Variants in NCKAP5L observed in about 807,000 individuals in gnomAD.
The protein encoded by NCKAP5L is nck-associated protein 5-like.
NCKAP5L carries 54 observed loss-of-function variants against 103.2 expected under a neutral mutation model. The observed-to-expected ratio is 0.52, with a 90% confidence interval of 0.42 to 0.66. NCKAP5L has a LOEUF of 0.66. Ranked by LOEUF, NCKAP5L falls within the 30% of genes least tolerant of loss-of-function variation. The probability of loss-of-function intolerance (pLI) is 0.00; values close to 1 mark genes in which losing one functional copy is unlikely to be tolerated. For synonymous variants in NCKAP5L, 762 were observed against 748.6 expected (o/e 1.02, Z -0.29); for missense variants, 1,733 against 1,750.6 (o/e 0.99, Z 0.18).
chr12:49,811,360 G>A (rs1946238145), intron 1 of NCKAP5L, among the ~76,000 whole-genome samples: 1 of 151,996 alleles, frequency 6.6e-6, no homozygotes, highest in South Asian at 2.1e-4. Flanking sequence ...ATAACTTCTG[G>A]CTTACCACCC....
At position 49,796,789 on chromosome 12, in the gene NCKAP5L, A is replaced by T. The variant is rs1946054313; in HGVS notation, c.1071T>A (p.Pro357=). Residue 357 remains proline (P), a synonymous_variant, in exon 8 of 13, where the codon CCT becomes CCA. Coordinates refer to ENST00000335999, the MANE Select transcript of NCKAP5L (RefSeq NM_001037806.4). ...AGPLNGDHPG[P]GQSSSPDQAP... is the part of the protein sequence containing the mutation. ...CCTGGTCTGGGGAGGATGACTGCCCAGGACCTGGGTGGTCCCCATTGAGTG... is the reference window on the plus strand; with the variant it reads ...CCTGGTCTGGGGAGGATGACTGCCCTGGACCTGGGTGGTCCCCATTGAGTG... The T allele has an allele frequency of 6.2e-7, 1 of 1,613,730 alleles. No individual in the cohort carries two copies. Among genetic ancestry groups the T allele is most frequent in the Non-Finnish European group, 8.5e-7 (1 of 1,179,844 alleles).
chr12:49,792,060 G>C lies in NCKAP5L; in HGVS notation c.3793-9C>G. ...CGGTCCACGGGCAGGGCCTGGGAAA[G>C]GAGGGGCAGCTCGGGAGGAAGCTCC... On this transcript the variant is annotated splice_polypyrimidine_tract_variant and intron_variant, in intron 12 of 12. Coordinates refer to ENST00000335999, the MANE Select transcript of NCKAP5L (RefSeq NM_001037806.4). This position sits in a 1 kb window ranked among gnomAD's most constrained non-coding sequence, Gnocchi z 4.5. 1 of 1,526,040 alleles carries C rather than the reference G, an allele frequency of 6.6e-7. No homozygotes were observed. The highest frequency in any genetic ancestry group is 8.8e-7 in the Non-Finnish European group (1 of 1,141,670). 94.5% of individuals were successfully genotyped at this position (1,526,040 alleles called of 1,614,324 possible). A position where few individuals can be genotyped will look rare whatever the true frequency, so the allele number is the denominator to read the frequency against.
Position 49,819,311 on chromosome 12 carries a change from C to CA in NCKAP5L, c.-99+9010dup, listed in dbSNP as rs60803272. 6.0e-3 allele frequency among the ~76,000 whole-genome samples: 751 copies of CA among 125,006 alleles called. 3 individuals carry two copies. Among genetic ancestry groups the CA allele is most frequent in the African/African-American group, 0.011 (364 of 34,236 alleles). The allele number at this position is 125,006 out of a possible 152,430, so 82.0% of individuals were successfully genotyped here. ...TGGGCAACGGTGCAAGACTCCGCTT[C>CA]AAAAAAAAAAAAAAAATTAAAAACC... On this transcript the variant is annotated intron_variant, in intron 1 of 12. Coordinates refer to ENST00000335999, the MANE Select transcript of NCKAP5L (RefSeq NM_001037806.4).
rs749008429 is a variant in NCKAP5L, at chr12:49,792,988, T to TGGGGA, written c.3341-7_3341-3dup. On this transcript the variant is annotated splice_region_variant and splice_polypyrimidine_tract_variant and intron_variant, in intron 10 of 12. Transcript: ENST00000335999. The surrounding 1 kb of genome is among the most constrained non-coding windows in gnomAD (Gnocchi z 4.5). ...AGGTTCGAGTCAAGGAGCCACAGGC[T>TGGGGA]GGGGAGGGGAGGGGAGGGCCCGTTA... 3.3e-5 allele frequency: 51 copies of TGGGGA among 1,527,228 alleles called. No homozygotes were observed. The African/African-American group carries it at 4.7e-4, about 14-fold the overall frequency. 94.6% of individuals were successfully genotyped at this position (1,527,228 alleles called of 1,614,324 possible). A position where few individuals can be genotyped will look rare whatever the true frequency, so the allele number is the denominator to read the frequency against.
chr12:49,796,330 C>T lies in NCKAP5L; in HGVS notation c.1530G>A (p.Glu510=). The T allele has an allele frequency of 6.5e-7, 1 of 1,545,778 alleles. No individual in the cohort carries two copies. The change falls in exon 8 of 13, where the codon GAG becomes GAA. Residue 510 remains glutamate (E), a synonymous_variant. Coordinates refer to ENST00000335999, the MANE Select transcript of NCKAP5L (RefSeq NM_001037806.4). ...GGCCTTGCGCCCCCTCTGGGGACAG[C>T]TCTCCTCCACCCAGACCCCTTCGGG... The part of the protein sequence containing the change: ...LLARRGLGGG[E]LSPEGAQGLP...
chr12:49,798,224 T>C, intron 7 of NCKAP5L, 126 bp downstream of exon 7: 1 of 869,172 alleles, frequency 1.2e-6, no homozygotes. Flanking sequence ...GGATCTGCTT[T>C]TTTTGGCATT....
chr12:49,803,204 T>C (rs1455798962), intron 3 of NCKAP5L, 39 bp from the exon 4 acceptor site: 3 of 1,606,182 alleles, frequency 1.9e-6, no homozygotes, highest in Non-Finnish European at 2.6e-6. Context: ...AAAGGTGGCT[T>C]TGGGGATTAT....
Position 49,795,709 on chromosome 12 carries a change from C to A in NCKAP5L, c.2151G>T (p.Glu717Asp). 6.2e-7 allele frequency: 1 copy of A among 1,610,378 alleles called. No homozygotes were observed. ...GTATCCCCCCCTTGGCTTCTAGCTG[C>A]TCCAGTGGCCTGTGGATGGAGGGCA... ...DMVPSIHRPL[E>D]QLEAKGGIRG... The change falls in exon 8 of 13, where the codon GAG (glutamate) becomes GAT (aspartate). Residue 717 changes from glutamate (E) to aspartate (D), a missense_variant. Transcript: ENST00000335999.
rs1292642785 is a variant in NCKAP5L at position 49,797,773 on chromosome 12, A to G, written c.466-379T>C. Among the ~76,000 whole-genome samples the G allele has an allele frequency of 6.6e-6, 1 of 152,148 alleles. No homozygotes were observed. The highest frequency in any genetic ancestry group is 1.5e-5 in the Non-Finnish European group (1 of 68,018). On this transcript the variant is annotated intron_variant, in intron 7 of 12. Transcript: ENST00000335999. This position sits in a 1 kb window ranked among gnomAD's most constrained non-coding sequence, Gnocchi z 4.5. ...TTTCTCGGGCCCAGAAAGAACACAC[A>G]GACTCCAGAAGGGAGTGTGATGTGG... is the stretch of plus-strand genomic sequence containing the variant.
rs951985406 is a variant in NCKAP5L at position 49,802,625 on chromosome 12, T to A, written c.231+333A>T. 6.4e-5 allele frequency: 21 copies of A among 325,936 alleles called. No homozygotes were observed. The East Asian group carries it at 1.0e-3, about 16-fold the overall frequency. 20.2% of individuals were successfully genotyped at this position (325,936 alleles called of 1,614,324 possible). A position where few individuals can be genotyped will look rare whatever the true frequency, so the allele number is the denominator to read the frequency against. The stretch of plus-strand genomic sequence containing the variant: ...GGCCTTGGAGTTAAAGTGGCCCCAA[T>A]GTCAAGAAGTTATCCACCATAGGTG... On this transcript the variant is annotated intron_variant, in intron 5 of 12. Transcript: ENST00000335999.
At chr12:49,816,079 A>G (rs984709243) in intron 1 of NCKAP5L, among the ~76,000 whole-genome samples, 1 of 152,212 alleles carries the variant, frequency 6.6e-6, no homozygotes. Context: ...GTCTTCTACA[A>G]GTGCCTCCTG....
At chr12:49,801,605 C>T (rs985082775) in intron 6 of NCKAP5L, among the ~76,000 whole-genome samples, 1 of 152,162 alleles carries the variant, frequency 6.6e-6, no homozygotes, top group African/African-American at 2.4e-5. Context: ...ATCTCCCCAC[C>T]CAAGGCAGGA....
In NCKAP5L at chr12:49,796,513, C is replaced by A; in HGVS notation, c.1347G>T (p.Leu449=). 2 of 1,560,210 alleles carry A rather than the reference C, an allele frequency of 1.3e-6. No homozygotes were observed. The highest frequency in any genetic ancestry group is 1.4e-5 in the African/African-American group (1 of 73,244). Reference sequence around the variant, plus strand: ...ACTTGAGACCCCTAGCTGGAGAGGGCAGAAGGGGTCCCTGAGCTTCCCCAG... The same window carrying A: ...ACTTGAGACCCCTAGCTGGAGAGGGAAGAAGGGGTCCCTGAGCTTCCCCAG... ...PSPGEAQGPL[L]PSPARGLKFL... The change falls in exon 8 of 13, where the codon CTG becomes CTT. Residue 449 remains leucine (L), a synonymous_variant. Coordinates refer to ENST00000335999, the MANE Select transcript of NCKAP5L (RefSeq NM_001037806.4).
Position 49,795,969 on chromosome 12 carries a change from G to A in NCKAP5L, c.1891C>T (p.Pro631Ser). 1 of 1,535,456 alleles carries A rather than the reference G, an allele frequency of 6.5e-7. No individual in the cohort carries two copies. The highest frequency in any genetic ancestry group is 8.7e-7 in the Non-Finnish European group (1 of 1,147,888). ...CCTGGGGTCCTGCGGCCGGGATGGG[G>A]AGACTCCGAGCCTGCCTTGTCCAAA... is the stretch of plus-strand genomic sequence containing the variant. ...KSLDKAGSESPHPGRRTPGNS... is the reference protein window; with the variant it reads ...KSLDKAGSESSHPGRRTPGNS... The change falls in exon 8 of 13, where the codon CCC becomes TCC. Residue 631 changes from proline to serine, a missense_variant. Pro to Ser is a moderately conservative substitution (Grantham distance 74). Coordinates refer to ENST00000335999, the MANE Select transcript of NCKAP5L (RefSeq NM_001037806.4).
intron 4 of NCKAP5L, 35 bp from the exon 5 acceptor site, chr12:49,803,031 C>T: frequency 6.2e-7 from 1 of 1,614,266 alleles, no homozygotes; most frequent in African/African-American, 1.3e-5. Flanking sequence ...GAGCCATCAG[C>T]TGACCCCAGC....
chr12:49,795,068 A>G lies in NCKAP5L; in HGVS notation c.2792T>C (p.Leu931Pro). The change falls in exon 8 of 13, where the codon CTG becomes CCG. Residue 931 changes from leucine (L) to proline (P), a missense_variant. Physicochemically the swap from Leu to Pro is moderately conservative, Grantham distance 98. Coordinates refer to ENST00000335999, the MANE Select transcript of NCKAP5L (RefSeq NM_001037806.4). ...FGLKKSKLPA[L>P]NRRTEATKNK... ...CTTGGTGGCCTCTGTGCGGCGGTTC[A>G]GCGCTGGCAGCTTGCTCTTCTTAAG... The G allele has an allele frequency of 6.2e-7, 1 of 1,611,598 alleles. No homozygotes were observed. Among genetic ancestry groups the G allele is most frequent in the Non-Finnish European group, 8.5e-7 (1 of 1,179,102 alleles).
intron 1 of NCKAP5L, among the ~76,000 whole-genome samples, chr12:49,814,010 G>A (rs902057963): frequency 1.3e-5 from 2 of 151,850 alleles, no homozygotes; most frequent in African/African-American, 2.4e-5. Flanking sequence ...ACAGGGTCTT[G>A]CCATACTGCC....
chr12:49,799,424 C>T (rs1011905974), intron 6 of NCKAP5L, among the ~76,000 whole-genome samples: 2 of 151,924 alleles, frequency 1.3e-5, no homozygotes, highest in Non-Finnish European at 2.9e-5. Context: ...ATCCTCCTGC[C>T]TCAGCCTCCC....
intron 1 of NCKAP5L, among the ~76,000 whole-genome samples, 180 bp downstream of exon 1, chr12:49,828,142 G>A (rs139421607): frequency 0.017 from 2,537 of 151,812 alleles, 66 homozygotes; most frequent in African/African-American, 0.056. Context: ...AGGAGGGTGC[G>A]GCTGGAGGGA....
Sources: allele counts gnomAD v4.1 joint callset (sites outside exome capture counted in the v4.1 genomes callset), GRCh38; gene constraint gnomAD v4.1.1; non-coding constraint Gnocchi (gnomAD v3.1); transcripts MANE v1.5; gene names NCBI Gene and HGNC (gene_info 2026-07-23, HGNC 2026-07-21).